SUN3: variants seen among roughly 807,000 people sequenced by gnomAD.
SUN3 encodes the protein Sad1 and UNC84 domain containing 3.
A neutral mutation model predicts 48.2 loss-of-function variants in SUN3; 36 were observed. The observed-to-expected ratio is 0.75, with a 90% CI of 0.57 to 0.99. SUN3 has a LOEUF of 0.99. SUN3 is among the 50% of genes least tolerant of loss of function. SUN3 has a pLI of 0.00. For synonymous variants in SUN3, 148 were observed against 147.9 expected, an observed-to-expected ratio of 1.00 and a Z score of 0.00; for missense variants, 419 against 433.1, an observed-to-expected ratio of 0.97 and a Z score of 0.29.
In SUN3 at chr7:48,017,312, G is replaced by T. The variant is rs1789840263; in HGVS notation, c.238C>A (p.Gln80Lys). The change falls in exon 3 of 10, where the codon CAA becomes AAA. Residue 80 changes from glutamine (Q) to lysine (K), a missense_variant. Gln to Lys is a moderately conservative substitution (Grantham distance 53). Transcript: ENST00000297325. ...KETDVPQKSR[Q>K]LYAIIAEYGS... ...TATTCTGCAATTATGGCATATAATT[G>T]TCTGGATTTCTGAGGAACATCTGTT... 3 of 1,609,862 alleles carry T rather than the reference G, an allele frequency of 1.9e-6. No individual in the cohort carries two copies. Among genetic ancestry groups the T allele is most frequent in the African/African-American group, 1.3e-5 (1 of 74,778 alleles).
chr7:47,994,365 CCTT>C lies in SUN3; in HGVS notation c.808_810del (p.Lys270del). On this transcript the variant is annotated inframe_deletion, in exon 8 of 10. Transcript: ENST00000297325. The stretch of plus-strand genomic sequence containing the variant: ...CTGGAGATGTTTCCTGACGGAGACA[CCTT>C]CTCTGAGATGTGCTCCATGGTAACA... 2 of 1,613,790 alleles carry C rather than the reference CCTT, an allele frequency of 1.2e-6. No individual in the cohort carries two copies.
At chr7:48,021,814 T>C (rs1320186962) in intron 2 of SUN3, among the ~76,000 whole-genome samples, 1 of 152,144 alleles carries the variant, frequency 6.6e-6, no homozygotes, top group Non-Finnish European at 1.5e-5. Context: ...TCTCATACAC[T>C]GTTGGTGGGA....
intron 2 of SUN3, among the ~76,000 whole-genome samples, chr7:48,022,461 T>C (rs1455173648): frequency 1.3e-5 from 2 of 152,178 alleles, no homozygotes; most frequent in Admixed American, 6.5e-5. Flanking sequence ...CTTGAGGGGA[T>C]GGATACCCCA....
intron 6 of SUN3, among the ~76,000 whole-genome samples, chr7:48,004,906 G>A (rs1216532279): frequency 3.9e-5 from 6 of 152,248 alleles, no homozygotes; most frequent in East Asian, 1.9e-4. Flanking sequence ...AATTTTGTCC[G>A]GATTTTTTCT....
intron 5 of SUN3, among the ~76,000 whole-genome samples, chr7:48,006,318 G>A (rs1490461800): frequency 6.6e-6 from 1 of 152,066 alleles, no homozygotes; most frequent in African/African-American, 2.4e-5. Flanking sequence ...CGTGGACCTA[G>A]GGTCTCTTCT....
chr7:47,991,079 CAACAA>C (rs925235462), intron 8 of SUN3: 3 of 454,364 alleles, frequency 6.6e-6, no homozygotes, highest in African/African-American at 4.0e-5. Context: ...AACAAATAAA[CAACAA>C]AACAAAACAA....
At chr7:48,016,224 A>C (rs972189977) in intron 3 of SUN3, among the ~76,000 whole-genome samples, 2 of 152,106 alleles carry the variant, frequency 1.3e-5, no homozygotes, top group Admixed American at 6.6e-5. Flanking sequence ...TTCCATCTCC[A>C]ACCTGACCAA....
At chr7:48,025,842 A>G in intron 2 of SUN3, 35 bp downstream of exon 2, 1 of 1,407,362 alleles carries the variant, frequency 7.1e-7, no homozygotes. Context: ...TAACCTGTGG[A>G]ATGGTTTTAA....
At position 48,007,084 on chromosome 7, in the gene SUN3, A is replaced by G. The variant is rs549775784; in HGVS notation, c.492+81T>C. On this transcript the variant is annotated intron_variant, in intron 5 of 9. Transcript: ENST00000297325. ...AAGAAGCAGATGTGACATCGGAAGGACATACTCACTCCCCGTCACCCTGGA... is the reference window on the plus strand; with the variant it reads ...AAGAAGCAGATGTGACATCGGAAGGGCATACTCACTCCCCGTCACCCTGGA... 3.3e-5 allele frequency: 46 copies of G among 1,379,338 alleles called. No homozygotes were observed. The African/African-American group carries it at 5.5e-4, about 16-fold the overall frequency. The allele number at this position is 1,379,338 out of a possible 1,614,324, so 85.4% of individuals were successfully genotyped here.
intron 2 of SUN3, among the ~76,000 whole-genome samples, chr7:48,023,514 A>G (rs189189968): frequency 3.2e-4 from 49 of 152,266 alleles, no homozygotes; most frequent in Non-Finnish European, 6.2e-4. Flanking sequence ...GAAGGAAATG[A>G]AGAACAAAAA....
upstream of SUN3, among the ~76,000 whole-genome samples, chr7:48,033,257 C>T (rs542594290): frequency 6.6e-6 from 1 of 152,258 alleles, no homozygotes; most frequent in East Asian, 1.9e-4. Context: ...TAATTTCAAT[C>T]ACACTGCAAA....
chr7:48,020,003 A>G lies in SUN3; in HGVS notation c.185-2638T>C, dbSNP rs1233971472. 5.5e-5 allele frequency among the ~76,000 whole-genome samples: 8 copies of G among 144,500 alleles called. No homozygotes were observed. In the East Asian group the frequency reaches 1.6e-3, roughly 29 times the overall value. The allele number at this position is 144,500 out of a possible 152,430, so 94.8% of individuals were successfully genotyped here. On this transcript the variant is annotated intron_variant, in intron 2 of 9. Transcript: ENST00000297325. The stretch of plus-strand genomic sequence containing the variant: ...AAAAAAAAAAAAAAAAAAAAAAAAG[A>G]AAGAAAGAAAACTACAGGCCAATAT...
chr7:48,025,737 A>T (rs1415062694), intron 2 of SUN3, 140 bp downstream of exon 2: 1 of 460,924 alleles, frequency 2.2e-6, no homozygotes, highest in Non-Finnish European at 3.9e-6. Context: ...CAAACGAAAA[A>T]GCTTTGAGAA....
At chr7:48,028,709 G>T in intron 1 of SUN3, 108 bp downstream of exon 1, 1 of 1,404,786 alleles carries the variant, frequency 7.1e-7, no homozygotes, top group Non-Finnish European at 9.7e-7. Flanking sequence ...TCTCTATAAA[G>T]GGAGAAAATA....
At chr7:48,005,782 A>G (rs999419818) in intron 6 of SUN3, among the ~76,000 whole-genome samples, 187 bp downstream of exon 6, 10 of 151,152 alleles carry the variant, frequency 6.6e-5, no homozygotes, top group Admixed American at 3.9e-4. Context: ...TCCCTGGAAC[A>G]TTTGCACTCA....
At chr7:48,005,873 A>C in intron 6 of SUN3, 96 bp downstream of exon 6, 2 of 624,382 alleles carry the variant, frequency 3.2e-6, no homozygotes. Context: ...TTACCAGATA[A>C]ATATGTTTTC....
At chr7:48,020,793 A>C (rs1789972215) in intron 2 of SUN3, among the ~76,000 whole-genome samples, 1 of 152,090 alleles carries the variant, frequency 6.6e-6, no homozygotes, top group Non-Finnish European at 1.5e-5. Context: ...GGAGAAACAA[A>C]AAGTAGATAG....
Position 48,004,773 on chromosome 7 carries a change from G to A in SUN3, c.577+1196C>T, listed in dbSNP as rs551455842. ...GTAATTGCTGCCTGCCTCAGCCTAG[G>A]CTGCAAGAGAAAAGAAAAGAAAAAA... On this transcript the variant is annotated intron_variant, in intron 6 of 9. Transcript: ENST00000297325. 4.6e-5 allele frequency among the ~76,000 whole-genome samples: 7 copies of A among 152,340 alleles called. No homozygotes were observed. The East Asian group carries it at 1.3e-3, about 29-fold the overall frequency.
upstream of SUN3, among the ~76,000 whole-genome samples, chr7:48,031,973 A>G (rs1191280538): frequency 6.6e-6 from 1 of 152,230 alleles, no homozygotes; most frequent in Non-Finnish European, 1.5e-5. Flanking sequence ...ATGAGCCTGG[A>G]GAACATTATG....
Sources: allele counts gnomAD v4.1 joint callset (sites outside exome capture counted in the v4.1 genomes callset), GRCh38; gene constraint gnomAD v4.1.1; transcripts MANE v1.5; gene names NCBI Gene and HGNC (gene_info 2026-07-23, HGNC 2026-07-21).